Variants in SYNE2 observed in about 807,000 individuals in gnomAD.
SYNE2 encodes the protein spectrin repeat containing nuclear envelope protein 2.
Under a neutral mutation model 856.3 loss-of-function variants are expected in SYNE2, and 431 were observed. The observed-to-expected ratio is 0.50, with a 90% CI of 0.47 to 0.55. SYNE2 has a LOEUF of 0.55. Ranked by LOEUF, SYNE2 falls within the 20% of genes least tolerant of loss-of-function variation. The probability of loss-of-function intolerance (pLI) is 0.00; values close to 1 mark genes in which losing one functional copy is unlikely to be tolerated. For missense variants in SYNE2, 8,129 were observed against 8,023.2 expected, an observed-to-expected ratio of 1.01 and a Z score of -0.50; for synonymous variants, 2,923 against 2,872.3, an observed-to-expected ratio of 1.02 and a Z score of -0.56.
chr14:64,191,376 T>A (rs2098518037), intron 99 of SYNE2, among the ~76,000 whole-genome samples: 1 of 151,778 alleles, frequency 6.6e-6, no homozygotes, highest in South Asian at 2.1e-4. Context: ...AACCAAGTGG[T>A]TTGAGAGCTC....
intron 1 of SYNE2, among the ~76,000 whole-genome samples, chr14:63,798,813 C>T (rs2139789056): frequency 6.6e-6 from 1 of 152,278 alleles, no homozygotes; most frequent in East Asian, 1.9e-4. Context: ...CAACACCCAT[C>T]TGTATGGCTA....
chr14:64,003,373 T>C lies in SYNE2; in HGVS notation c.4397+43T>C, dbSNP rs369302807. ...ATTTCCATCCAAGGTGACTGACATC[T>C]TTCTGTATTTTCACTTCTGTTAGGT... On this transcript the variant is annotated intron_variant, in intron 30 of 115. Coordinates refer to ENST00000555002, the MANE Select transcript of SYNE2 (RefSeq NM_182914.3). 7.4e-6 allele frequency: 12 copies of C among 1,611,968 alleles called. No homozygotes were observed. In the Admixed American group the frequency reaches 1.3e-4, roughly 18 times the overall value.
intron 2 of SYNE2, among the ~76,000 whole-genome samples, chr14:63,913,742 G>A (rs190962160): frequency 2.0e-4 from 29 of 145,028 alleles, no homozygotes; most frequent in African/African-American, 6.4e-4. Context: ...GATTATAGGC[G>A]TGAGCCACAA....
rs540447096 is a variant in SYNE2, at chr14:64,146,310, T to G, written c.15639+87T>G. 13 of 1,261,164 alleles carry G rather than the reference T, an allele frequency of 1.0e-5. No homozygotes were observed. In the South Asian group the frequency reaches 1.6e-4, roughly 16 times the overall value. 78.1% of individuals were successfully genotyped at this position (1,261,164 alleles called of 1,614,324 possible). A position where few individuals can be genotyped will look rare whatever the true frequency, so the allele number is the denominator to read the frequency against. ...GCCCCGAGGATAAGTTGCTGTAGTTTGTGGAAACTCTCTTCCAGCTCCCCT... is the reference window on the plus strand; with the variant it reads ...GCCCCGAGGATAAGTTGCTGTAGTTGGTGGAAACTCTCTTCCAGCTCCCCT... On this transcript the variant is annotated intron_variant, in intron 84 of 115. Coordinates refer to ENST00000555002, the MANE Select transcript of SYNE2 (RefSeq NM_182914.3).
In SYNE2 at chr14:64,062,213, C is replaced by T. The variant is rs139555681; in HGVS notation, c.10068-538C>T. On this transcript the variant is annotated intron_variant, in intron 49 of 115. Transcript: ENST00000555002. ...TGTAATTACTCTATAATATTGTATA[C>T]GATGAATTGTTTTAATTTCTTAATC... Among the ~76,000 whole-genome samples, 29 of 152,012 alleles carry T rather than the reference C, an allele frequency of 1.9e-4. 1 individual carries two copies. The highest frequency in any genetic ancestry group is 6.5e-4 in the African/African-American group (27 of 41,442).
chr14:64,040,375 G>A lies in SYNE2; in HGVS notation c.7222-7625G>A, dbSNP rs569880606. ...AGAAGAAATTGAAATCATAAGGAAA[G>A]AATACAGTACTTTGAGAACAAAAGG... On this transcript the variant is annotated intron_variant, in intron 45 of 115. Transcript: ENST00000555002. Among the ~76,000 whole-genome samples the A allele has an allele frequency of 2.1e-4, 32 of 151,772 alleles. 2 individuals carry two copies. Among genetic ancestry groups the A allele is most frequent in the African/African-American group, 7.5e-4 (31 of 41,434 alleles).
chr14:64,104,237 A>G (rs1041059510), intron 64 of SYNE2, among the ~76,000 whole-genome samples: 8 of 152,016 alleles, frequency 5.3e-5, no homozygotes, highest in African/African-American at 1.9e-4. Context: ...ATACCCTTTT[A>G]TTAGTCCTAA....
At chr14:64,214,653 A>G (rs2098657311) in intron 106 of SYNE2, 183 bp downstream of exon 106, 1 of 631,402 alleles carries the variant, frequency 1.6e-6, no homozygotes. Flanking sequence ...CACTCTCATC[A>G]CAGGTGGAAT....
intron 41 of SYNE2, 82 bp downstream of exon 41, chr14:64,025,503 C>T (rs890584686): frequency 4.9e-5 from 66 of 1,344,318 alleles, no homozygotes; most frequent in Non-Finnish European, 4.6e-5. Context: ...TAAAGATGTG[C>T]TTCTTAATGG....
At chr14:63,889,401 A>G (rs904945626) in intron 1 of SYNE2, among the ~76,000 whole-genome samples, 3 of 152,106 alleles carry the variant, frequency 2.0e-5, no homozygotes, top group Non-Finnish European at 2.9e-5. Flanking sequence ...AAAGGGGTTA[A>G]CTAGAGAGAA....
intron 99 of SYNE2, among the ~76,000 whole-genome samples, chr14:64,201,518 G>A (rs1196853755): frequency 1.3e-5 from 2 of 152,176 alleles, no homozygotes; most frequent in African/African-American, 4.8e-5. Flanking sequence ...GAGGCAGAGT[G>A]GCCCCTGAAT....
intron 65 of SYNE2, among the ~76,000 whole-genome samples, chr14:64,110,890 A>C (rs894908343): frequency 2.0e-5 from 3 of 151,964 alleles, no homozygotes; most frequent in Admixed American, 2.0e-4. Flanking sequence ...TCCTCAGGCC[A>C]CCCTCAGCTC....
intron 1 of SYNE2, among the ~76,000 whole-genome samples, chr14:63,853,737 G>A (rs1891019356): frequency 6.6e-6 from 1 of 151,724 alleles, no homozygotes; most frequent in Admixed American, 6.6e-5. Flanking sequence ...GGGCGGCCCG[G>A]GCACTGGAGG....
chr14:63,883,057 TTTTA>T (rs1175305314), intron 1 of SYNE2, among the ~76,000 whole-genome samples: 1 of 151,992 alleles, frequency 6.6e-6, no homozygotes, highest in Non-Finnish European at 1.5e-5. Context: ...TTCTTTTACA[TTTTA>T]TTTATTTATT....
At chr14:64,094,814 A>G (rs2097662949) in intron 61 of SYNE2, among the ~76,000 whole-genome samples, 1 of 152,262 alleles carries the variant, frequency 6.6e-6, no homozygotes, top group Non-Finnish European at 1.5e-5. Context: ...TCAGAAATGT[A>G]AAAACATTCA....
chr14:63,847,849 G>A (rs997741619), intron 1 of SYNE2, among the ~76,000 whole-genome samples: 1 of 151,252 alleles, frequency 6.6e-6, no homozygotes, highest in Non-Finnish European at 1.5e-5. Context: ...GCCACCCAAA[G>A]TGCTGGGATT....
intron 45 of SYNE2, 128 bp from the exon 46 acceptor site, chr14:64,047,872 C>G (rs565153798): frequency 3.2e-5 from 32 of 999,708 alleles, no homozygotes; most frequent in Admixed American, 4.8e-5. Flanking sequence ...TTTCGTAGTG[C>G]CCAAATATAC....
intron 100 of SYNE2, chr14:64,204,467 G>A (rs906972695): frequency 6.6e-6 from 1 of 152,176 alleles, no homozygotes; most frequent in Admixed American, 6.5e-5. Context: ...ATTTTGCAGG[G>A]GCTGTTGATT....
chr14:64,183,364 C>G (rs1301523642), intron 96 of SYNE2, among the ~76,000 whole-genome samples: 2 of 122,782 alleles, frequency 1.6e-5, no homozygotes, highest in African/African-American at 6.6e-5. Flanking sequence ...GATGGGCGGC[C>G]GGGCAGAGAT....
Sources: allele counts gnomAD v4.1 joint callset (sites outside exome capture counted in the v4.1 genomes callset), GRCh38; gene constraint gnomAD v4.1.1; transcripts MANE v1.5; gene names NCBI Gene and HGNC (gene_info 2026-07-23, HGNC 2026-07-21).